The following ATAD2B variants were observed in gnomAD, a reference collection of about 807,000 sequenced individuals.
ATAD2B encodes ATPase family AAA domain containing 2B.
A neutral mutation model predicts 167.6 loss-of-function variants in ATAD2B; 40 were observed. The observed-to-expected ratio is 0.24, with a 90% CI of 0.19 to 0.31. ATAD2B has a LOEUF of 0.31. Ranked by LOEUF, ATAD2B falls within the 10% of genes least tolerant of loss-of-function variation. The pLI, the probability that ATAD2B is intolerant of heterozygous loss-of-function variation, is 1.00. For synonymous variants in ATAD2B, 579 were observed against 596.5 expected (o/e 0.97, Z 0.43); for missense variants, 1,242 against 1,757.2 (o/e 0.71, Z 5.24).
At chr2:23,901,776 G>C in intron 1 of ATAD2B, among the ~76,000 whole-genome samples, 1 of 152,086 alleles carries the variant, frequency 6.6e-6, no homozygotes, top group South Asian at 2.1e-4. Context: ...AATAAAGTAT[G>C]TAACATTTCA....
intron 13 of ATAD2B, among the ~76,000 whole-genome samples, chr2:23,854,265 T>C (rs1693008264): frequency 6.6e-6 from 1 of 151,498 alleles, no homozygotes; most frequent in Admixed American, 6.6e-5. Flanking sequence ...AAAGAATACC[T>C]GTATTAAAAA....
chr2:23,753,133 A>G (rs1004524582), intron 27 of ATAD2B, among the ~76,000 whole-genome samples: 5 of 152,176 alleles, frequency 3.3e-5, no homozygotes, highest in African/African-American at 1.2e-4. Flanking sequence ...ATTCTATTCT[A>G]CATCTCTGCA....
chr2:23,914,654 A>G (rs776965541), intron 1 of ATAD2B, among the ~76,000 whole-genome samples: 1 of 151,970 alleles, frequency 6.6e-6, no homozygotes, highest in African/African-American at 2.4e-5. Context: ...CCTGGCTAAC[A>G]CAGCGAAACC....
intron 19 of ATAD2B, among the ~76,000 whole-genome samples, chr2:23,794,075 C>T (rs375430850): frequency 6.6e-6 from 1 of 152,126 alleles, no homozygotes; most frequent in Non-Finnish European, 1.5e-5. Flanking sequence ...TGCAGTGACA[C>T]GATCTTGGCT....
Position 23,875,857 on chromosome 2 carries a change from T to C in ATAD2B, c.949A>G (p.Arg317Gly). 1.2e-6 allele frequency: 2 copies of C among 1,610,578 alleles called. No individual in the cohort carries two copies. The highest frequency in any genetic ancestry group is 1.7e-6 in the Non-Finnish European group (2 of 1,178,102). The change falls in exon 8 of 28, where the codon AGA becomes GGA. Residue 317 changes from arginine (R) to glycine (G), a missense_variant. Arg to Gly is a moderately radical substitution (Grantham distance 125). Around this residue, in one of 9 missense-constraint regions of ATAD2B, gnomAD observed 127 missense variants for 146.3 expected, o/e 0.87. Coordinates refer to ENST00000238789, the MANE Select transcript of ATAD2B (RefSeq NM_017552.4). Reference sequence around the variant, plus strand: ...ATATGGCTTCTTCTTGCTGGAGATCTATGAATATCAAACAGCGTGTTTTCC... The same window carrying C: ...ATATGGCTTCTTCTTGCTGGAGATCCATGAATATCAAACAGCGTGTTTTCC... ...KRENTLFDIH[R>G]SPARRSHIRR...
chr2:23,820,842 G>A (rs919021698), intron 16 of ATAD2B, among the ~76,000 whole-genome samples: 11 of 152,052 alleles, frequency 7.2e-5, no homozygotes, highest in African/African-American at 1.4e-4. Flanking sequence ...CCAGCTACTC[G>A]GGAGGCTGAG....
Position 23,757,881 on chromosome 2 carries a change from A to G in ATAD2B, c.3615T>C (p.Asn1205=). 3 of 1,597,946 alleles carry G rather than the reference A, an allele frequency of 1.9e-6. No homozygotes were observed. The highest frequency in any genetic ancestry group is 1.7e-6 in the Non-Finnish European group (2 of 1,175,534). Residue 1205 remains asparagine (N), a synonymous_variant, in exon 25 of 28, where the codon AAT becomes AAC. Transcript: ENST00000238789. ...CCATGATGTCACAGGATGATTCATCATTGGTCATAGATAAGTCTCCAGTCT... is the reference window on the plus strand; with the variant it reads ...CCATGATGTCACAGGATGATTCATCGTTGGTCATAGATAAGTCTCCAGTCT... ...GEETGDLSMT[N]DESSCDIMDL...
At chr2:23,721,750 C>G in the ATAD2B span, among the ~76,000 whole-genome samples, 1 of 151,906 alleles carries the variant, frequency 6.6e-6, no homozygotes, top group African/African-American at 2.4e-5. Context: ...GTCTCCAGGC[C>G]AACTGAGCAG....
At chr2:23,793,790 G>A (rs1248508635) in intron 19 of ATAD2B, among the ~76,000 whole-genome samples, 3 of 152,076 alleles carry the variant, frequency 2.0e-5, no homozygotes, top group African/African-American at 4.8e-5. Context: ...AGTGCTAGTG[G>A]TCTAGAGACC....
At chr2:23,803,338 A>ACG (rs1553394964) in intron 18 of ATAD2B, among the ~76,000 whole-genome samples, 11 of 150,682 alleles carry the variant, frequency 7.3e-5, no homozygotes, top group East Asian at 3.9e-4. Flanking sequence ...ACACACACAC[A>ACG]CGCGCACGCA....
chr2:23,679,276 C>G, the ATAD2B span, among the ~76,000 whole-genome samples: 1 of 152,174 alleles, frequency 6.6e-6, no homozygotes, highest in African/African-American at 2.4e-5. Context: ...GGACTACACT[C>G]AGCCAATCTA....
intron 18 of ATAD2B, among the ~76,000 whole-genome samples, chr2:23,800,911 G>C (rs1683396684): frequency 6.6e-6 from 1 of 152,008 alleles, no homozygotes; most frequent in Non-Finnish European, 1.5e-5. Flanking sequence ...TCGCCTTTCT[G>C]ATCTATGAGT....
chr2:23,896,514 C>G lies in ATAD2B; in HGVS notation c.217-544G>C, dbSNP rs142081701. 2.0e-5 allele frequency among the ~76,000 whole-genome samples: 3 copies of G among 151,892 alleles called. No individual in the cohort carries two copies. In the East Asian group the frequency reaches 5.8e-4, roughly 29 times the overall value. Reference sequence around the variant, plus strand: ...ATTTTGAAAAATGTTCAAGAAAGGGCGTGTGTTCTTAAACGTTTGGTGTGA... The same window carrying G: ...ATTTTGAAAAATGTTCAAGAAAGGGGGTGTGTTCTTAAACGTTTGGTGTGA... On this transcript the variant is annotated intron_variant, in intron 1 of 27. Transcript: ENST00000238789.
At chr2:23,920,636 T>C (rs1177442711) in intron 1 of ATAD2B, among the ~76,000 whole-genome samples, 2 of 152,086 alleles carry the variant, frequency 1.3e-5, no homozygotes, top group Non-Finnish European at 2.9e-5. Context: ...CCTACTCTAA[T>C]AGTTAGAGGA....
intron 16 of ATAD2B, among the ~76,000 whole-genome samples, chr2:23,822,323 T>C (rs1687568666): frequency 6.6e-6 from 1 of 151,810 alleles, no homozygotes; most frequent in Non-Finnish European, 1.5e-5. Flanking sequence ...TCACCTGAGG[T>C]CAGGAGTTGG....
At chr2:23,870,810 T>A (rs1695854427) in intron 8 of ATAD2B, among the ~76,000 whole-genome samples, 1 of 152,100 alleles carries the variant, frequency 6.6e-6, no homozygotes, top group Admixed American at 6.6e-5. Flanking sequence ...TTGAACTTCT[T>A]ATAAAATACA....
intron 13 of ATAD2B, among the ~76,000 whole-genome samples, chr2:23,849,124 A>T (rs530601335): frequency 6.6e-6 from 1 of 152,332 alleles, no homozygotes; most frequent in Admixed American, 6.5e-5. Flanking sequence ...CCCCAATTCA[A>T]ATATATCAAT....
chr2:23,784,816 T>C (rs1344548873), intron 21 of ATAD2B, among the ~76,000 whole-genome samples: 1 of 152,086 alleles, frequency 6.6e-6, no homozygotes, highest in African/African-American at 2.4e-5. Flanking sequence ...TATTTATTAA[T>C]TTAAAAAGCC....
At chr2:23,858,255 G>A (rs1693754740) in intron 12 of ATAD2B, among the ~76,000 whole-genome samples, 1 of 149,858 alleles carries the variant, frequency 6.7e-6, no homozygotes, top group Non-Finnish European at 1.5e-5. Flanking sequence ...CGAGTAGCTG[G>A]GATTACAGGC....
Sources: gnomAD v4.1 joint callset for allele counts (sites outside exome capture counted in the v4.1 genomes callset) on GRCh38, gnomAD v4.1.1 for gene constraint, gnomAD v4.1.1 regional missense constraint, MANE v1.5 for transcripts, NCBI Gene and HGNC (gene_info 2026-07-23, HGNC 2026-07-21) for gene names.